The following HNRNPA1L2 variants were observed in gnomAD, a reference collection of about 807,000 sequenced individuals.
HNRNPA1L2 encodes heterogeneous nuclear ribonucleoprotein A1-like 2.
In HNRNPA1L2, 10 loss-of-function variants were observed where a neutral mutation model predicts 18.2. The observed-to-expected ratio is 0.55, with a 90% CI of 0.34 to 0.93. The LOEUF (loss-of-function observed/expected upper bound fraction) is 0.93. Ranked by LOEUF, HNRNPA1L2 falls within the 40% of genes least tolerant of loss-of-function variation. The pLI, the probability that HNRNPA1L2 is intolerant of heterozygous loss-of-function variation, is 0.02. For synonymous variants in HNRNPA1L2, 124 were observed against 138.6 expected (o/e 0.89, Z 0.74); for missense variants, 308 against 394.4 (o/e 0.78, Z 1.85).
chr13:52,638,462 C>G (rs1309627081), upstream of HNRNPA1L2, among the ~76,000 whole-genome samples: 2 of 152,094 alleles, frequency 1.3e-5, no homozygotes, highest in Non-Finnish European at 2.9e-5. Context: ...TTCATTTAAC[C>G]ATTTACACAT....
upstream of HNRNPA1L2, among the ~76,000 whole-genome samples, chr13:52,638,091 C>G (rs978055379): frequency 2.4e-4 from 36 of 152,084 alleles, no homozygotes; most frequent in Non-Finnish European, 3.4e-4. Flanking sequence ...GGGAATCCCT[C>G]TTTTAAGGAT....
At chr13:52,630,225 G>A in the HNRNPA1L2 span, among the ~76,000 whole-genome samples, 1 of 152,318 alleles carries the variant, frequency 6.6e-6, no homozygotes, top group South Asian at 2.1e-4. Context: ...TTGAGAAGGA[G>A]GAGCCAGATA....
the HNRNPA1L2 span, among the ~76,000 whole-genome samples, chr13:52,636,450 A>G: frequency 6.6e-6 from 1 of 152,356 alleles, no homozygotes; most frequent in East Asian, 1.9e-4. Flanking sequence ...CAAAAGTAAA[A>G]AAGTTATTGA....
chr13:52,640,959 A>G (rs2138082529), upstream of HNRNPA1L2: 1 of 152,294 alleles, frequency 6.6e-6, no homozygotes, highest in Non-Finnish European at 1.5e-5. Flanking sequence ...TTACCTCCTC[A>G]AAAGCTTTTA....
At chr13:52,637,056 C>T in the HNRNPA1L2 span, among the ~76,000 whole-genome samples, 1 of 152,188 alleles carries the variant, frequency 6.6e-6, no homozygotes, top group Admixed American at 6.5e-5. Context: ...TGGTATTGAA[C>T]TCCTGACCTC....
chr13:52,619,310 T>C, the HNRNPA1L2 span, among the ~76,000 whole-genome samples: 1 of 152,064 alleles, frequency 6.6e-6, no homozygotes, highest in East Asian at 2.0e-4. Context: ...TTTATTGTTA[T>C]TATTATTACT....
At chr13:52,619,945 AATAAT>A in the HNRNPA1L2 span, among the ~76,000 whole-genome samples, 2 of 145,794 alleles carry the variant, frequency 1.4e-5, no homozygotes, top group Non-Finnish European at 3.0e-5. Flanking sequence ...AAAAAAAAAG[AATAAT>A]AATTATTTTC....
the HNRNPA1L2 span, among the ~76,000 whole-genome samples, chr13:52,635,392 T>C: frequency 6.6e-6 from 1 of 150,518 alleles, no homozygotes; most frequent in Admixed American, 6.6e-5. Context: ...GGATGAAAAA[T>C]TAGGGAAAAA....
chr13:52,642,727 G>A lies in HNRNPA1L2; in HGVS notation c.235G>A (p.Val79Met), dbSNP rs751578585. The change falls in exon 1 of 1, where the codon GTG becomes ATG. Residue 79 changes from valine (V) to methionine (M), a missense_variant. Physicochemically the swap from Val to Met is conservative, Grantham distance 21. Transcript: ENST00000357495. ...AGCTATGAATACAACGCCACACAAG[G>A]TGGATGGAAGAGTTGTGGAACCAAA... ...DAAMNTTPHK[V>M]DGRVVEPKRA... The A allele has an allele frequency of 5.5e-5, 88 of 1,602,292 alleles. No individual in the cohort carries two copies. In the East Asian group the frequency reaches 1.9e-3, roughly 34 times the overall value.
chr13:52,630,486 G>T, the HNRNPA1L2 span, among the ~76,000 whole-genome samples: 1 of 152,108 alleles, frequency 6.6e-6, no homozygotes, highest in Non-Finnish European at 1.5e-5. Context: ...TGTTGGCCAG[G>T]CTGGTAACTC....
chr13:52,642,991 T>C lies in HNRNPA1L2; in HGVS notation c.499T>C (p.Tyr167His). The C allele has an allele frequency of 1.9e-6, 3 of 1,597,494 alleles. No individual in the cohort carries two copies. The highest frequency in any genetic ancestry group is 2.5e-6 in the Non-Finnish European group (3 of 1,179,802). The change falls in exon 1 of 1, where the codon TAC becomes CAC. Residue 167 changes from tyrosine (Y) to histidine (H), a missense_variant. Transcript: ENST00000357495. ...CGTGGATAAGATTGTCATTCAGAAA[T>C]ACCATACTGTGAAGGGCCACAACTG... ...DSVDKIVIQKYHTVKGHNCEV... is the reference protein window; with the variant it reads ...DSVDKIVIQKHHTVKGHNCEV...
chr13:52,642,609 G>A lies in HNRNPA1L2; in HGVS notation c.117G>A (p.Thr39=), dbSNP rs754199818. 1.6e-5 allele frequency: 26 copies of A among 1,611,880 alleles called. No homozygotes were observed. The highest frequency in any genetic ancestry group is 2.2e-5 in the South Asian group (2 of 90,966). ...SLRSHFEQWG[T]LTDCVVMRDP... is the part of the protein sequence containing the mutation. ...GGAGCCATTTTGAGCAATGGGGAAC[G>A]CTCACAGACTGTGTGGTAATGAGAG... Residue 39 remains threonine (T), a synonymous_variant, in exon 1 of 1, where the codon ACG becomes ACA. Coordinates refer to ENST00000357495, the MANE Select transcript of HNRNPA1L2 (RefSeq NM_001389320.1).
the HNRNPA1L2 span, among the ~76,000 whole-genome samples, chr13:52,628,435 C>G: frequency 3.6e-4 from 55 of 151,972 alleles, no homozygotes; most frequent in Admixed American, 2.4e-3. Context: ...AGCGAGAGAC[C>G]CTGTCTCTGA....
At chr13:52,621,582 G>T in the HNRNPA1L2 span, among the ~76,000 whole-genome samples, 1 of 152,082 alleles carries the variant, frequency 6.6e-6, no homozygotes. Context: ...AACAGATTTG[G>T]GAGCACCAGC....
the HNRNPA1L2 span, among the ~76,000 whole-genome samples, chr13:52,625,732 A>T: frequency 6.6e-6 from 1 of 152,222 alleles, no homozygotes; most frequent in Non-Finnish European, 1.5e-5. Flanking sequence ...TTATTCACAG[A>T]TAACAGTTCT....
chr13:52,627,203 T>C, the HNRNPA1L2 span, among the ~76,000 whole-genome samples: 1 of 152,232 alleles, frequency 6.6e-6, no homozygotes, highest in Non-Finnish European at 1.5e-5. Context: ...TTTTTGAGGC[T>C]GATCCCTCAT....
At chr13:52,619,430 A>C in the HNRNPA1L2 span, among the ~76,000 whole-genome samples, 4 of 152,124 alleles carry the variant, frequency 2.6e-5, no homozygotes, top group African/African-American at 9.6e-5. Flanking sequence ...CTTGTGCCTC[A>C]GCCTCCTGAA....
At chr13:52,618,646 A>T in the HNRNPA1L2 span, among the ~76,000 whole-genome samples, 5 of 152,244 alleles carry the variant, frequency 3.3e-5, no homozygotes, top group African/African-American at 9.6e-5. Flanking sequence ...GGGTTGAGAA[A>T]GATTTTTACG....
At chr13:52,640,005 A>T (rs748693609), upstream of HNRNPA1L2, among the ~76,000 whole-genome samples, 30 of 149,088 alleles carry the variant, frequency 2.0e-4, no homozygotes, top group Non-Finnish European at 4.1e-4. Flanking sequence ...CAGTCCTCTC[A>T]CTTGGCTCAC....
Sources: gnomAD v4.1 joint callset for allele counts (sites outside exome capture counted in the v4.1 genomes callset) on GRCh38, gnomAD v4.1.1 for gene constraint, MANE v1.5 for transcripts, NCBI Gene and HGNC (gene_info 2026-07-23, HGNC 2026-07-21) for gene names.